Variants in ARB2A observed in about 807,000 individuals in gnomAD.
ARB2A encodes the protein cotranscriptional regulator ARB2A.
the ARB2A span, among the ~76,000 whole-genome samples, chr5:93,961,454 G>A: frequency 1.3e-5 from 2 of 152,094 alleles, no homozygotes; most frequent in Non-Finnish European, 2.9e-5. Context: ...AATGCTGCTC[G>A]ATAAAGGACC....
the ARB2A span, among the ~76,000 whole-genome samples, chr5:93,917,659 CT>C: frequency 6.6e-6 from 1 of 152,090 alleles, no homozygotes; most frequent in Non-Finnish European, 1.5e-5. Flanking sequence ...GGGAGGATTG[CT>C]TGAGTCCAGG....
chr5:93,891,390 G>C, the ARB2A span, among the ~76,000 whole-genome samples: 6 of 152,002 alleles, frequency 3.9e-5, no homozygotes, highest in Admixed American at 1.3e-4. Context: ...TATGTGCACA[G>C]TGGTGTTTTA....
chr5:93,826,864 T>C, the ARB2A span, among the ~76,000 whole-genome samples: 6 of 151,238 alleles, frequency 4.0e-5, no homozygotes, highest in Non-Finnish European at 7.4e-5. Context: ...TTTGTCCTTG[T>C]GATAGTTTGC....
At chr5:94,000,088 T>C in the ARB2A span, among the ~76,000 whole-genome samples, 1 of 152,246 alleles carries the variant, frequency 6.6e-6, no homozygotes, top group Admixed American at 6.5e-5. Context: ...CTTGGATGCT[T>C]CCAAGTTTTG....
At chr5:93,823,614 CTG>C in the ARB2A span, among the ~76,000 whole-genome samples, 1 of 152,070 alleles carries the variant, frequency 6.6e-6, no homozygotes, top group African/African-American at 2.4e-5. Context: ...TGTATGGAAA[CTG>C]GCACTATAAT....
At chr5:94,019,992 T>C in the ARB2A span, among the ~76,000 whole-genome samples, 1 of 152,150 alleles carries the variant, frequency 6.6e-6, no homozygotes, top group African/African-American at 2.4e-5. Flanking sequence ...CTGTTCACAA[T>C]AGCAAAGACT....
chr5:93,814,875 T>C, the ARB2A span, among the ~76,000 whole-genome samples: 2 of 152,240 alleles, frequency 1.3e-5, no homozygotes, highest in Non-Finnish European at 2.9e-5. Flanking sequence ...TCTTGCTGTG[T>C]TGCCCAGGCT....
the ARB2A span, among the ~76,000 whole-genome samples, chr5:93,843,905 T>C: frequency 6.6e-6 from 1 of 151,918 alleles, no homozygotes; most frequent in Admixed American, 6.6e-5. Flanking sequence ...CAAAATAAGT[T>C]TTCCAGGACA....
the ARB2A span, chr5:93,776,124 C>A: frequency 6.6e-7 from 1 of 1,507,206 alleles, no homozygotes; most frequent in Non-Finnish European, 9.0e-7. Context: ...CCCTGAAAAA[C>A]AACAGCAATC....
At chr5:93,904,531 CCTAT>C in the ARB2A span, among the ~76,000 whole-genome samples, 3 of 151,738 alleles carry the variant, frequency 2.0e-5, no homozygotes, top group African/African-American at 7.2e-5. Flanking sequence ...AATTTAAAAT[CCTAT>C]CTCTTTGTGT....
At chr5:93,729,628 A>G in the ARB2A span, among the ~76,000 whole-genome samples, 1 of 152,152 alleles carries the variant, frequency 6.6e-6, no homozygotes, top group African/African-American at 2.4e-5. Flanking sequence ...TTTTTAGGAG[A>G]ACAACATAAA....
At chr5:94,068,672 T>C in the ARB2A span, among the ~76,000 whole-genome samples, 1 of 151,986 alleles carries the variant, frequency 6.6e-6, no homozygotes, top group Non-Finnish European at 1.5e-5. Flanking sequence ...CTTTACTACC[T>C]GATTGGTCGG....
the ARB2A span, among the ~76,000 whole-genome samples, chr5:93,640,574 A>ATG: frequency 0.028 from 4,026 of 143,592 alleles, 130 homozygotes; most frequent in African/African-American, 0.079. Context: ...GTGTGTGTGT[A>ATG]TGTGTGTGTG....
chr5:94,086,510 T>G, the ARB2A span, among the ~76,000 whole-genome samples: 2 of 151,982 alleles, frequency 1.3e-5, no homozygotes, highest in African/African-American at 2.4e-5. Context: ...ATATAGTACG[T>G]AAATACTTGA....
chr5:93,655,956 T>C, the ARB2A span, among the ~76,000 whole-genome samples: 1 of 152,198 alleles, frequency 6.6e-6, no homozygotes, highest in Non-Finnish European at 1.5e-5. Flanking sequence ...TTCACTAGCT[T>C]GTATCTTGGC....
the ARB2A span, among the ~76,000 whole-genome samples, chr5:93,781,261 G>A: frequency 6.6e-6 from 1 of 152,020 alleles, no homozygotes; most frequent in Non-Finnish European, 1.5e-5. Flanking sequence ...GAGAACATGT[G>A]GTATTTGACT....
the ARB2A span, among the ~76,000 whole-genome samples, chr5:93,665,872 A>G: frequency 6.6e-6 from 1 of 152,322 alleles, no homozygotes; most frequent in South Asian, 2.1e-4. Flanking sequence ...TAATTTACAC[A>G]TGAATCAACT....
chr5:93,958,634 T>C, the ARB2A span: 7 of 559,100 alleles, frequency 1.3e-5, no homozygotes. Flanking sequence ...TAATGCAGAA[T>C]AATCTTTCAT....
At chr5:94,060,085 C>A in the ARB2A span, among the ~76,000 whole-genome samples, 1 of 152,076 alleles carries the variant, frequency 6.6e-6, no homozygotes, top group Admixed American at 6.5e-5. Context: ...AGGGGCCAGG[C>A]GCAGTGGCTC....
Sources: allele counts gnomAD v4.1 joint callset (sites outside exome capture counted in the v4.1 genomes callset), GRCh38; gene constraint gnomAD v4.1.1; transcripts MANE v1.5; gene names NCBI Gene and HGNC (gene_info 2026-07-23, HGNC 2026-07-21).